The following CCDC13 variants were observed in gnomAD, a reference collection of about 807,000 sequenced individuals.
CCDC13 encodes coiled-coil domain containing 13.
Under a neutral mutation model 87.3 loss-of-function variants are expected in CCDC13, and 70 were observed. The ratio of observed to expected loss-of-function variants is 0.80; its 90% CI spans 0.66 to 0.98. The LOEUF is 0.98. CCDC13 is among the 50% of genes least tolerant of loss of function. CCDC13 has a pLI of 0.00. For missense variants in CCDC13, 842 were observed against 892.0 expected, an observed-to-expected ratio of 0.94 and a Z score of 0.71; for synonymous variants, 317 against 360.3, an observed-to-expected ratio of 0.88 and a Z score of 1.36.
At chr3:42,732,687 CCAAGATT>C in intron 12 of CCDC13, 193 bp downstream of exon 12, 1 of 571,266 alleles carries the variant, frequency 1.8e-6, no homozygotes. Flanking sequence ...GAGTCAGAGG[CCAAGATT>C]CTAGTTCTGA....
At chr3:42,755,821 G>C (rs557670288) in intron 3 of CCDC13, among the ~76,000 whole-genome samples, 1 of 152,296 alleles carries the variant, frequency 6.6e-6, no homozygotes, top group East Asian at 1.9e-4. Flanking sequence ...GGGGAAGAGG[G>C]AGTAACCCCA....
At chr3:42,772,476 C>G (rs896486431) in intron 1 of CCDC13, among the ~76,000 whole-genome samples, 2 of 152,018 alleles carry the variant, frequency 1.3e-5, no homozygotes, top group African/African-American at 4.8e-5. Context: ...GACCCCTTGC[C>G]CCATCGGCCT....
At position 42,730,499 on chromosome 3, in the gene CCDC13, C is replaced by A. The variant is rs561099740; in HGVS notation, c.1686G>T (p.Arg562=). 6.2e-7 allele frequency: 1 copy of A among 1,614,080 alleles called. No homozygotes were observed. The highest frequency in any genetic ancestry group is 2.2e-5 in the East Asian group (1 of 44,876). ...GCAGGACAGTGACAAACTCGGTGAG[C>A]CGGTCACGCTCCACCTCGGCAGCCT... ...LWQAAEVERD[R]LTEFVTVLQK... is the part of the protein sequence containing the mutation. The change falls in exon 13 of 16, where the codon CGG becomes CGT. Residue 562 remains arginine, a synonymous_variant. Transcript: ENST00000310232.
At chr3:42,750,052 C>G (rs72865754) in intron 5 of CCDC13, 11,862 of 408,524 alleles carry the variant, frequency 0.029, 558 homozygotes, top group East Asian at 0.18. Context: ...CGGCCCATCA[C>G]ACACTCTTCT....
At chr3:42,745,784 C>A (rs903319083) in intron 7 of CCDC13, 139 bp downstream of exon 7, 1 of 574,210 alleles carries the variant, frequency 1.7e-6, no homozygotes, top group Non-Finnish European at 3.1e-6. Context: ...AAAACAACAA[C>A]CCCGCACGAG....
intron 1 of CCDC13, among the ~76,000 whole-genome samples, chr3:42,770,187 A>G (rs553064880): frequency 1.3e-5 from 2 of 152,324 alleles, no homozygotes; most frequent in Admixed American, 1.3e-4. Flanking sequence ...GAGTGCACCA[A>G]TCAGCACTCT....
chr3:42,771,151 C>T (rs1256384333), intron 1 of CCDC13: 3 of 152,080 alleles, frequency 2.0e-5, no homozygotes, highest in South Asian at 2.1e-4. Flanking sequence ...TATCACGCCA[C>T]GAAAAGACAT....
chr3:42,713,009 A>G (rs1698346974), intron 14 of CCDC13, among the ~76,000 whole-genome samples, 153 bp downstream of exon 14: 1 of 152,036 alleles, frequency 6.6e-6, no homozygotes. Flanking sequence ...GGAAAAGAAC[A>G]CCCCACAGTG....
At chr3:42,745,640 G>T in intron 7 of CCDC13, 1 of 258,642 alleles carries the variant, frequency 3.9e-6, no homozygotes, top group Non-Finnish European at 7.3e-6. Flanking sequence ...AAAAAAAAAA[G>T]ATGCCTGGAG....
chr3:42,712,908 C>T (rs1340566988), intron 14 of CCDC13, among the ~76,000 whole-genome samples: 1 of 152,224 alleles, frequency 6.6e-6, no homozygotes, highest in Non-Finnish European at 1.5e-5. Context: ...TTCAGCACTG[C>T]CACCTCATGC....
At chr3:42,711,462 G>GT (rs397741911) in intron 14 of CCDC13, among the ~76,000 whole-genome samples, 5 of 151,904 alleles carry the variant, frequency 3.3e-5, no homozygotes, top group African/African-American at 1.2e-4. Flanking sequence ...TGAAAAAAAG[G>GT]ATAATAGTTT....
Position 42,742,263 on chromosome 3 carries a change from T to C in CCDC13, c.987+633A>G, listed in dbSNP as rs550402228. On this transcript the variant is annotated intron_variant, in intron 8 of 15. Transcript: ENST00000310232. Reference sequence around the variant, plus strand: ...CAATTCTGGGACTTTGTTGGAACTATTGGGAAAGAGAAACCCTTTGTCTGT... The same window carrying C: ...CAATTCTGGGACTTTGTTGGAACTACTGGGAAAGAGAAACCCTTTGTCTGT... Among the ~76,000 whole-genome samples, 70 of 152,250 alleles carry C rather than the reference T, an allele frequency of 4.6e-4. 1 individual carries two copies. In the South Asian group the frequency reaches 0.012, roughly 27 times the overall value.
chr3:42,727,790 T>C (rs1477726751), intron 13 of CCDC13, among the ~76,000 whole-genome samples: 1 of 151,982 alleles, frequency 6.6e-6, no homozygotes, highest in Non-Finnish European at 1.5e-5. Context: ...GGGTGACCAC[T>C]AAAAGAACAG....
Position 42,746,132 on chromosome 3 carries a change from C to G in CCDC13, c.721-105G>C, listed in dbSNP as rs200425924. On this transcript the variant is annotated intron_variant, in intron 6 of 15. Transcript: ENST00000310232. ...TATTCAGAAGCAGTCTTCACCTACA[C>G]GATCTTCTTCCCATCTCAGAGCATA... 4 of 830,380 alleles carry G rather than the reference C, an allele frequency of 4.8e-6. No homozygotes were observed. In the South Asian group the frequency reaches 5.9e-5, roughly 12 times the overall value. The allele number at this position is 830,380 out of a possible 1,614,324, so 51.4% of individuals were successfully genotyped here. A position where few individuals can be genotyped will look rare whatever the true frequency, so the allele number is the denominator to read the frequency against.
chr3:42,730,774 T>C (rs376620252), intron 12 of CCDC13, among the ~76,000 whole-genome samples, 185 bp from the exon 13 acceptor site: 20 of 152,316 alleles, frequency 1.3e-4, no homozygotes, highest in Admixed American at 4.6e-4. Context: ...CTGGTCCTGC[T>C]GAAGTCCCTA....
At chr3:42,736,738 A>G (rs1699032858) in intron 9 of CCDC13, among the ~76,000 whole-genome samples, 1 of 152,090 alleles carries the variant, frequency 6.6e-6, no homozygotes, top group South Asian at 2.1e-4. Context: ...TAGGTGCCTG[A>G]GCCAGCACCC....
In CCDC13 at chr3:42,758,084, C is replaced by T. The variant is rs1277420558; in HGVS notation, c.221+41G>A. The T allele has an allele frequency of 5.8e-6, 9 of 1,539,260 alleles. No individual in the cohort carries two copies. The African/African-American group carries it at 1.2e-4, about 21-fold the overall frequency. ...TGGTACACACACACACACACACACA[C>T]ACACACACACACCCCTGAGAGATTT... On this transcript the variant is annotated intron_variant, in intron 2 of 15. Coordinates refer to ENST00000310232, the MANE Select transcript of CCDC13 (RefSeq NM_144719.4).
At chr3:42,730,706 A>T (rs1178912096) in intron 12 of CCDC13, 117 bp from the exon 13 acceptor site, 1 of 1,387,402 alleles carries the variant, frequency 7.2e-7, no homozygotes, top group African/African-American at 1.4e-5. Flanking sequence ...AGCCAGAGCA[A>T]AGGAAGCAAA....
intron 13 of CCDC13, among the ~76,000 whole-genome samples, chr3:42,719,797 C>CCTTTAT (rs1275010121): frequency 6.6e-6 from 1 of 152,134 alleles, no homozygotes; most frequent in African/African-American, 2.4e-5. Flanking sequence ...GGGGATGACT[C>CCTTTAT]CTTTATCTTC....
Sources: gnomAD v4.1 joint callset for allele counts (sites outside exome capture counted in the v4.1 genomes callset) on GRCh38, gnomAD v4.1.1 for gene constraint, MANE v1.5 for transcripts, NCBI Gene and HGNC (gene_info 2026-07-23, HGNC 2026-07-21) for gene names.